PPM1L: variants seen among roughly 807,000 people sequenced by gnomAD.
PPM1L encodes protein phosphatase, Mg2+/Mn2+ dependent 1L.
PPM1L carries 13 observed loss-of-function variants against 31.4 expected under a neutral mutation model. The ratio of observed to expected loss-of-function variants is 0.41; its 90% CI spans 0.27 to 0.66. The LOEUF is 0.66. Among genes scored for constraint, PPM1L ranks in the 30% least tolerant of loss-of-function variants. The pLI, the probability that PPM1L is intolerant of heterozygous loss-of-function variation, is 0.29. For synonymous variants in PPM1L, 184 were observed against 175.4 expected, an observed-to-expected ratio of 1.05 and a Z score of -0.39; for missense variants, 326 against 453.7, an observed-to-expected ratio of 0.72 and a Z score of 2.56.
intron 1 of PPM1L, among the ~76,000 whole-genome samples, chr3:160,957,609 G>A (rs1346509043): frequency 2.2e-5 from 3 of 138,082 alleles, no homozygotes; most frequent in African/African-American, 7.9e-5. Flanking sequence ...ACGGAGTGTC[G>A]CTCTGTCGCC....
At chr3:160,814,561 A>ATGTATGTATG (rs1712915494) in intron 1 of PPM1L, among the ~76,000 whole-genome samples, 3 of 101,284 alleles carry the variant, frequency 3.0e-5, no homozygotes, top group African/African-American at 1.2e-4. Flanking sequence ...ACACACACAT[A>ATGTATGTATG]TGTATGTATG....
At chr3:160,864,892 G>A (rs1382781653) in intron 1 of PPM1L, among the ~76,000 whole-genome samples, 1 of 152,192 alleles carries the variant, frequency 6.6e-6, no homozygotes, top group Non-Finnish European at 1.5e-5. Context: ...TATCCTATAA[G>A]TGGGTAGAAA....
intron 1 of PPM1L, among the ~76,000 whole-genome samples, chr3:160,765,280 A>G (rs1715076554): frequency 1.3e-5 from 2 of 152,186 alleles, no homozygotes; most frequent in African/African-American, 4.8e-5. Context: ...CCTGTCTCCA[A>G]AGCCTGTTCC....
At chr3:160,831,789 G>T (rs1713533494) in intron 1 of PPM1L, among the ~76,000 whole-genome samples, 1 of 151,978 alleles carries the variant, frequency 6.6e-6, no homozygotes. Flanking sequence ...TTATCTTAAG[G>T]AATCTTCAGC....
intron 1 of PPM1L, among the ~76,000 whole-genome samples, chr3:160,905,510 A>G (rs934805408): frequency 1.3e-5 from 2 of 152,214 alleles, no homozygotes; most frequent in African/African-American, 2.4e-5. Context: ...TTAAGCTTAT[A>G]TTAGATCAGT....
In PPM1L at chr3:160,865,791, G is replaced by T. The variant is rs531527663; in HGVS notation, c.400-95945G>T. Among the ~76,000 whole-genome samples, 5 of 152,156 alleles carry T rather than the reference G, an allele frequency of 3.3e-5. No individual in the cohort carries two copies. The East Asian group carries it at 9.7e-4, about 29-fold the overall frequency. ...CTCCGTCTCATAAATAAATAACTAG[G>T]TTATAAGACAAATTGGTCTTTTAGC... On this transcript the variant is annotated intron_variant, in intron 1 of 3. Transcript: ENST00000498165.
chr3:160,839,040 ACTT>A (rs1219397104), intron 1 of PPM1L, among the ~76,000 whole-genome samples: 2 of 152,200 alleles, frequency 1.3e-5, no homozygotes, highest in African/African-American at 4.8e-5. Context: ...CCTACACACT[ACTT>A]GCCTTCTCAC....
intron 1 of PPM1L, among the ~76,000 whole-genome samples, chr3:160,816,476 C>A (rs963915245): frequency 1.7e-5 from 2 of 116,134 alleles, no homozygotes; most frequent in Admixed American, 1.8e-4. Flanking sequence ...AAGACAGAGT[C>A]TGTTTTTTTT....
chr3:160,840,939 A>G (rs983028222), intron 1 of PPM1L, among the ~76,000 whole-genome samples: 1 of 152,202 alleles, frequency 6.6e-6, no homozygotes, highest in Non-Finnish European at 1.5e-5. Flanking sequence ...ACTGATTCAA[A>G]TGTCAAATCT....
At chr3:160,931,878 G>A (rs1473628547) in intron 1 of PPM1L, among the ~76,000 whole-genome samples, 1 of 152,180 alleles carries the variant, frequency 6.6e-6, no homozygotes, top group Admixed American at 6.5e-5. Context: ...AAACATCACT[G>A]TTTATTGGAA....
At chr3:160,816,866 G>A (rs981980923) in intron 1 of PPM1L, among the ~76,000 whole-genome samples, 12 of 151,978 alleles carry the variant, frequency 7.9e-5, no homozygotes, top group Admixed American at 2.0e-4. Flanking sequence ...TACAACCAAC[G>A]TCTCCTTCCT....
intron 1 of PPM1L, among the ~76,000 whole-genome samples, chr3:160,918,056 C>G (rs1453128667): frequency 6.6e-6 from 1 of 152,226 alleles, no homozygotes; most frequent in Non-Finnish European, 1.5e-5. Context: ...GCGAATCCTT[C>G]TCACTCACAG....
At chr3:160,998,742 C>T (rs1024133063) in intron 2 of PPM1L, among the ~76,000 whole-genome samples, 56 of 152,038 alleles carry the variant, frequency 3.7e-4, no homozygotes, top group African/African-American at 1.3e-3. Flanking sequence ...AAATATTGAC[C>T]ATTAAGTTAT....
intron 1 of PPM1L, among the ~76,000 whole-genome samples, chr3:160,775,093 C>T (rs976442439): frequency 2.0e-5 from 3 of 152,214 alleles, no homozygotes; most frequent in Non-Finnish European, 2.9e-5. Flanking sequence ...GTGGTGTTCT[C>T]TCACAAAATC....
chr3:160,773,455 AC>A (rs1259815451), intron 1 of PPM1L, among the ~76,000 whole-genome samples: 5 of 152,224 alleles, frequency 3.3e-5, no homozygotes, highest in African/African-American at 1.2e-4. Flanking sequence ...GCTGAGAAGT[AC>A]AGCCTAGAAA....
intron 1 of PPM1L, among the ~76,000 whole-genome samples, chr3:160,948,634 A>G (rs1715482841): frequency 6.6e-6 from 1 of 152,178 alleles, no homozygotes; most frequent in African/African-American, 2.4e-5. Flanking sequence ...TTGCATTAGA[A>G]GTACACAAGG....
chr3:160,767,617 T>A (rs1715139418), intron 1 of PPM1L, among the ~76,000 whole-genome samples: 1 of 152,234 alleles, frequency 6.6e-6, no homozygotes, highest in South Asian at 2.1e-4. Flanking sequence ...TAGTAAACAC[T>A]TATTTGCATT....
At chr3:160,934,088 A>G (rs1714878121) in intron 1 of PPM1L, among the ~76,000 whole-genome samples, 1 of 152,238 alleles carries the variant, frequency 6.6e-6, no homozygotes, top group African/African-American at 2.4e-5. Flanking sequence ...GACAAGTTGA[A>G]GATATGAAAA....
Position 160,944,130 on chromosome 3 carries a change from G to T in PPM1L, c.400-17606G>T, listed in dbSNP as rs370722865. Among the ~76,000 whole-genome samples, 201 of 152,012 alleles carry T rather than the reference G, an allele frequency of 1.3e-3. 2 individuals carry two copies. The highest frequency in any genetic ancestry group is 4.6e-3 in the African/African-American group (192 of 41,500). On this transcript the variant is annotated intron_variant, in intron 1 of 3. Transcript: ENST00000498165. ...AGCAGATTTTTTTTTCTTGCTGTTT[G>T]AGAGACACCAGCCTTCACTAAGCAG...
Sources: gnomAD v4.1 joint callset for allele counts (sites outside exome capture counted in the v4.1 genomes callset) on GRCh38, gnomAD v4.1.1 for gene constraint, MANE v1.5 for transcripts, NCBI Gene and HGNC (gene_info 2026-07-23, HGNC 2026-07-21) for gene names.